ERC1: variants seen among roughly 807,000 people sequenced by gnomAD.
ERC1 encodes RAB6 interacting protein 2.
Under a neutral mutation model 132.0 loss-of-function variants are expected in ERC1, and 56 were observed. The observed-to-expected ratio is 0.42, with a 90% confidence interval of 0.34 to 0.53. The LOEUF (loss-of-function observed/expected upper bound fraction) is 0.53. ERC1 is among the 20% of genes least tolerant of loss of function. The pLI is 0.03. For synonymous variants in ERC1, 478 were observed against 476.1 expected, an observed-to-expected ratio of 1.00 and a Z score of -0.05; for missense variants, 1,202 against 1,349.9, an observed-to-expected ratio of 0.89 and a Z score of 1.72.
At chr12:1,152,894 G>A (rs1204231415) in intron 8 of ERC1, 1 of 152,912 alleles carries the variant, frequency 6.5e-6, no homozygotes, top group African/African-American at 2.4e-5. Context: ...TAAGCAGAAA[G>A]GTGTTGGAGA....
At chr12:1,440,193 C>G (rs938255094) in intron 17 of ERC1, among the ~76,000 whole-genome samples, 67 of 143,972 alleles carry the variant, frequency 4.7e-4, no homozygotes, top group Admixed American at 2.0e-3. Context: ...AGTTTTCTTT[C>G]TTTCTCTTTT....
intron 1 of ERC1, among the ~76,000 whole-genome samples, chr12:1,016,707 CG>C (rs1592713572): frequency 3.0e-5 from 4 of 132,958 alleles, no homozygotes; most frequent in South Asian, 2.4e-4. Context: ...TGCAGTGGTG[CG>C]ATCTCGATCT....
intron 15 of ERC1, among the ~76,000 whole-genome samples, chr12:1,315,155 G>A (rs2081594325): frequency 6.6e-6 from 1 of 152,028 alleles, no homozygotes; most frequent in Non-Finnish European, 1.5e-5. Context: ...AAGTAGCTGG[G>A]ACTACAGGTG....
intron 15 of ERC1, among the ~76,000 whole-genome samples, chr12:1,293,248 A>T (rs1448802967): frequency 6.7e-6 from 1 of 149,888 alleles, no homozygotes; most frequent in African/African-American, 2.5e-5. Context: ...AGGTCAGAAG[A>T]TTGAGACCAT....
intron 15 of ERC1, among the ~76,000 whole-genome samples, chr12:1,342,231 G>A (rs945496967): frequency 1.3e-5 from 2 of 152,012 alleles, no homozygotes; most frequent in Admixed American, 6.5e-5. Flanking sequence ...TTGGGAGGCC[G>A]AGGCTGGTGG....
At chr12:1,196,842 CTG>C (rs1956303513) in intron 12 of ERC1, among the ~76,000 whole-genome samples, 2 of 124,870 alleles carry the variant, frequency 1.6e-5, no homozygotes, top group Non-Finnish European at 1.7e-5. Flanking sequence ...GTCTGTCTCT[CTG>C]TCTGTCTCTC....
chr12:1,025,828 C>T (rs924196282), intron 1 of ERC1, among the ~76,000 whole-genome samples: 8 of 135,168 alleles, frequency 5.9e-5, no homozygotes, highest in African/African-American at 8.7e-5. Context: ...GACGGAGTCT[C>T]GCTCTTGTCA....
chr12:1,206,574 A>G (rs1180275474), intron 12 of ERC1, among the ~76,000 whole-genome samples: 1 of 152,088 alleles, frequency 6.6e-6, no homozygotes, highest in Non-Finnish European at 1.5e-5. Flanking sequence ...GAAGACTCAC[A>G]TTTTCTATCT....
At chr12:1,140,816 A>G (rs1276710857) in intron 7 of ERC1, among the ~76,000 whole-genome samples, 1 of 152,136 alleles carries the variant, frequency 6.6e-6, no homozygotes, top group Non-Finnish European at 1.5e-5. Context: ...TAGATATCAA[A>G]GAGTTAGTAT....
chr12:1,152,923 T>C (rs145548913), intron 8 of ERC1: 1 of 152,820 alleles, frequency 6.5e-6, no homozygotes, highest in Non-Finnish European at 1.5e-5. Flanking sequence ...GTCAGTGCGA[T>C]GATGGAAAGG....
chr12:1,440,399 G>C, intron 17 of ERC1, among the ~76,000 whole-genome samples: 1 of 150,262 alleles, frequency 6.7e-6, no homozygotes, highest in Middle Eastern at 3.4e-3. Flanking sequence ...GTAGAGACGG[G>C]GTTTCACCGT....
chr12:1,299,641 A>G (rs1190690715), intron 15 of ERC1, among the ~76,000 whole-genome samples: 2 of 152,208 alleles, frequency 1.3e-5, no homozygotes, highest in African/African-American at 4.8e-5. Flanking sequence ...AATATTAAAG[A>G]TAACAGAAAT....
chr12:1,174,186 C>T (rs1340693383), intron 8 of ERC1, among the ~76,000 whole-genome samples: 3 of 152,248 alleles, frequency 2.0e-5, no homozygotes, highest in Non-Finnish European at 4.4e-5. Flanking sequence ...CCACCCCCTG[C>T]GTGTTTCGGG....
intron 15 of ERC1, among the ~76,000 whole-genome samples, chr12:1,306,059 A>T (rs1173654317): frequency 6.6e-6 from 1 of 152,120 alleles, no homozygotes; most frequent in Non-Finnish European, 1.5e-5. Flanking sequence ...CCCAAACTTT[A>T]TGGTGTCTTC....
chr12:1,428,881 T>C (rs2092715179), intron 17 of ERC1, among the ~76,000 whole-genome samples: 1 of 152,206 alleles, frequency 6.6e-6, no homozygotes, highest in South Asian at 2.1e-4. Flanking sequence ...ATGATGAGGC[T>C]AAAGTTTCCA....
intron 2 of ERC1, among the ~76,000 whole-genome samples, chr12:1,064,564 T>C (rs1938708637): frequency 6.6e-6 from 1 of 152,152 alleles, no homozygotes; most frequent in Middle Eastern, 3.2e-3. Context: ...TGGCTACTTT[T>C]TACATTTTTT....
At chr12:1,484,555 C>T (rs971023328) in intron 18 of ERC1, among the ~76,000 whole-genome samples, 5 of 150,744 alleles carry the variant, frequency 3.3e-5, no homozygotes, top group Admixed American at 6.6e-5. Flanking sequence ...ATTTCTTGTT[C>T]GTTTGTTTGT....
intron 3 of ERC1, among the ~76,000 whole-genome samples, chr12:1,095,155 C>A (rs556464605): frequency 4.6e-5 from 7 of 151,998 alleles, no homozygotes; most frequent in Non-Finnish European, 1.0e-4. Flanking sequence ...GTTTCTCAGG[C>A]GTGGTGGCTC....
At chr12:1,202,785 G>C (rs772336668) in intron 12 of ERC1, among the ~76,000 whole-genome samples, 1 of 152,066 alleles carries the variant, frequency 6.6e-6, no homozygotes, top group Non-Finnish European at 1.5e-5. Flanking sequence ...TTTTTCCCAT[G>C]GATTTACCCG....
Sources: gnomAD v4.1 joint callset for allele counts (sites outside exome capture counted in the v4.1 genomes callset) on GRCh38, gnomAD v4.1.1 for gene constraint, MANE v1.5 for transcripts, NCBI Gene and HGNC (gene_info 2026-07-23, HGNC 2026-07-21) for gene names.